ZZEF1: variants seen among roughly 807,000 people sequenced by gnomAD.
ZZEF1 encodes zinc finger ZZ-type and EF-hand domain-containing protein 1.
Under a neutral mutation model 342.8 loss-of-function variants are expected in ZZEF1, and 157 were observed. That is an observed-to-expected ratio of 0.46 (90% confidence interval 0.40 to 0.52). The LOEUF (loss-of-function observed/expected upper bound fraction) is 0.52, where lower values mean the gene tolerates loss of function less well. ZZEF1 is among the 20% of genes least tolerant of loss of function. The pLI, the probability that ZZEF1 is intolerant of heterozygous loss-of-function variation, is 0.00. For missense variants in ZZEF1, 3,480 were observed against 3,725.6 expected (o/e 0.93, Z 1.72); for synonymous variants, 1,505 against 1,429.1 (o/e 1.05, Z -1.20).
Position 4,034,258 on chromosome 17 carries a change from A to C in ZZEF1, c.6341T>G (p.Val2114Gly). ...PTVPLIDLEH[V>G]LPLMFQVVIS... Reference sequence around the variant, plus strand: ...GACAACCTGAAACATGAGTGGAAGGACGTGCTCCAGGTCTATCAGGGGAAC... The same window carrying C: ...GACAACCTGAAACATGAGTGGAAGGCCGTGCTCCAGGTCTATCAGGGGAAC... Residue 2114 changes from valine (V) to glycine (G), a missense_variant, in exon 40 of 55, where the codon GTC (valine) becomes GGC (glycine). Transcript: ENST00000381638. 2.5e-6 allele frequency: 4 copies of C among 1,614,208 alleles called. No homozygotes were observed. Among genetic ancestry groups the C allele is most frequent in the Non-Finnish European group, 3.4e-6 (4 of 1,180,020 alleles).
At chr17:4,125,391 C>A (rs900375050) in intron 1 of ZZEF1, among the ~76,000 whole-genome samples, 4 of 152,274 alleles carry the variant, frequency 2.6e-5, no homozygotes, top group African/African-American at 9.6e-5. Flanking sequence ...AACATAAATA[C>A]CCCTATTTCC....
chr17:4,025,789 A>T (rs2056390139), intron 42 of ZZEF1, among the ~76,000 whole-genome samples: 1 of 152,216 alleles, frequency 6.6e-6, no homozygotes, highest in Admixed American at 6.5e-5. Context: ...ACACTGAAAA[A>T]ACATGAAACA....
chr17:4,067,088 C>T (rs1207410611), intron 27 of ZZEF1, 75 bp downstream of exon 27: 1 of 1,245,290 alleles, frequency 8.0e-7, no homozygotes, highest in Non-Finnish European at 1.1e-6. Flanking sequence ...GAGAAGAGAA[C>T]AATTCATCTT....
In ZZEF1 at chr17:4,034,287, G is replaced by C. The variant is rs201455129; in HGVS notation, c.6312C>G (p.Pro2104=). 337 of 1,614,000 alleles carry C rather than the reference G, an allele frequency of 2.1e-4. No homozygotes were observed. Among genetic ancestry groups the C allele is most frequent in the Non-Finnish European group, 2.7e-4 (322 of 1,179,888 alleles). ...AAMLPPLKSG[P]TVPLIDLEHV... ...GCTCCAGGTCTATCAGGGGAACCGT[G>C]GGGCCCTGCCAAGAGAGGGAGAGAA... The change falls in exon 40 of 55, where the codon CCC becomes CCG. Residue 2104 remains proline, a synonymous_variant. Transcript: ENST00000381638.
At chr17:4,104,577 T>C in intron 8 of ZZEF1, 56 bp downstream of exon 8, 1 of 1,587,606 alleles carries the variant, frequency 6.3e-7, no homozygotes, top group South Asian at 1.1e-5. Context: ...GAAGAATGGT[T>C]TTACGATTTG....
At chr17:4,104,380 G>C (rs1244720612) in intron 8 of ZZEF1, among the ~76,000 whole-genome samples, 2 of 152,126 alleles carry the variant, frequency 1.3e-5, no homozygotes, top group African/African-American at 4.8e-5. Context: ...CAGATCATGG[G>C]AGTATAGCCT....
Position 4,075,315 on chromosome 17 carries a change from C to A in ZZEF1, c.3349G>T (p.Gly1117Trp), listed in dbSNP as rs1057500803. The change falls in exon 22 of 55, where the codon GGG becomes TGG. Residue 1117 changes from glycine to tryptophan, a missense_variant. By Grantham distance (184) the Gly-to-Trp change is radical. Coordinates refer to ENST00000381638, the MANE Select transcript of ZZEF1 (RefSeq NM_015113.4). ...CHEVSVFVSPGATYFEVEFDD... is the reference protein window; with the variant it reads ...CHEVSVFVSPWATYFEVEFDD... ...AATTCCACTTCAAAATAGGTTGCCCCTGGGCTAACAAAGACGGATACCTCA... is the reference window on the plus strand; with the variant it reads ...AATTCCACTTCAAAATAGGTTGCCCATGGGCTAACAAAGACGGATACCTCA... 1 of 1,614,216 alleles carries A rather than the reference C, an allele frequency of 6.2e-7. No homozygotes were observed. Among genetic ancestry groups the A allele is most frequent in the East Asian group, 2.2e-5 (1 of 44,888 alleles).
intron 39 of ZZEF1, among the ~76,000 whole-genome samples, chr17:4,042,086 A>G (rs902075704): frequency 6.6e-6 from 1 of 152,176 alleles, no homozygotes; most frequent in African/African-American, 2.4e-5. Flanking sequence ...AAAGTTCAGG[A>G]AAAAAATATA....
chr17:4,133,493 T>C (rs2058701503), intron 1 of ZZEF1, among the ~76,000 whole-genome samples: 1 of 152,140 alleles, frequency 6.6e-6, no homozygotes, highest in Admixed American at 6.6e-5. Flanking sequence ...CTTTCCTCCA[T>C]CTATAAAAGC....
intron 37 of ZZEF1, among the ~76,000 whole-genome samples, chr17:4,045,773 C>A (rs1199797417): frequency 1.3e-5 from 2 of 152,100 alleles, no homozygotes; most frequent in East Asian, 1.9e-4. Context: ...ACCCTTTCTA[C>A]CAGGTTTTAG....
chr17:4,096,233 GC>G (rs1415670047), intron 10 of ZZEF1, among the ~76,000 whole-genome samples: 1 of 151,830 alleles, frequency 6.6e-6, no homozygotes, highest in Admixed American at 6.6e-5. Context: ...TCTGCTACAG[GC>G]CTGACACAGA....
At chr17:4,019,238 T>G (rs914817963) in intron 46 of ZZEF1, among the ~76,000 whole-genome samples, 1 of 152,260 alleles carries the variant, frequency 6.6e-6, no homozygotes, top group East Asian at 1.9e-4. Flanking sequence ...ATTGCAGATA[T>G]GTAAAGTTCT....
rs544986535 is a variant in ZZEF1 at position 4,077,739 on chromosome 17, T to C, written c.2989+144A>G. On this transcript the variant is annotated intron_variant, in intron 19 of 54. Transcript: ENST00000381638. ...AAAGACATGCTGTTGAATTCTATTT[T>C]AATTAGACCAAACCAGTCCAAGAAT... 9.4e-4 allele frequency: 815 copies of C among 865,122 alleles called. 2 individuals carry two copies. Among genetic ancestry groups the C allele is most frequent in the Non-Finnish European group, 1.2e-3 (718 of 576,640 alleles). 53.6% of individuals were successfully genotyped at this position (865,122 alleles called of 1,614,324 possible).
chr17:4,034,645 G>A (rs2056621826), intron 39 of ZZEF1, among the ~76,000 whole-genome samples: 1 of 152,130 alleles, frequency 6.6e-6, no homozygotes, highest in African/African-American at 2.4e-5. Context: ...GATAACAACT[G>A]TTAAGTGTGA....
chr17:4,137,903 A>G (rs1416707403), intron 1 of ZZEF1, among the ~76,000 whole-genome samples: 1 of 152,256 alleles, frequency 6.6e-6, no homozygotes, highest in Non-Finnish European at 1.5e-5. Context: ...TGACAGTGCC[A>G]AGGTGGGGAA....
chr17:4,088,690 G>A lies in ZZEF1; in HGVS notation c.2229C>T (p.Leu743=), dbSNP rs758437630. The change falls in exon 13 of 55, where the codon CTC becomes CTT. Residue 743 remains leucine, a synonymous_variant. Transcript: ENST00000381638. ...GAGGAAGCCCTACCAGGTCATGGGC[G>A]AGCTGCTGGATAAACTGAAGGGTCC... ...LLRTLQFIQQ[L]AHDLVQQKES... 101 of 1,613,674 alleles carry A rather than the reference G, an allele frequency of 6.3e-5. 1 individual carries two copies. Among genetic ancestry groups the A allele is most frequent in the Non-Finnish European group, 3.6e-5 (42 of 1,180,014 alleles).
At chr17:4,118,680 G>A (rs117428845) in intron 2 of ZZEF1, among the ~76,000 whole-genome samples, 1 of 152,210 alleles carries the variant, frequency 6.6e-6, no homozygotes, top group Non-Finnish European at 1.5e-5. Flanking sequence ...CAAAATCCAA[G>A]TTGGTCCACT....
rs745594637 is a variant in ZZEF1, at chr17:4,051,956, T to G, written c.5600+15A>C. On this transcript the variant is annotated intron_variant, in intron 35 of 54. Transcript: ENST00000381638. ...TAAATAAAAGGCTTGGTGGCGACGG[T>G]CACTTGAGACATACCCGTAGGAGTA... 2 of 1,603,084 alleles carry G rather than the reference T, an allele frequency of 1.2e-6. No individual in the cohort carries two copies. The highest frequency in any genetic ancestry group is 2.2e-5 in the South Asian group (2 of 90,144).
chr17:4,116,246 G>A (rs2058391967), intron 3 of ZZEF1, among the ~76,000 whole-genome samples: 1 of 152,224 alleles, frequency 6.6e-6, no homozygotes, highest in Non-Finnish European at 1.5e-5. Context: ...TCGAACCCAG[G>A]AGGTGGAGGC....
Sources: gnomAD v4.1 joint callset for allele counts (sites outside exome capture counted in the v4.1 genomes callset) on GRCh38, gnomAD v4.1.1 for gene constraint, MANE v1.5 for transcripts, NCBI Gene and HGNC (gene_info 2026-07-23, HGNC 2026-07-21) for gene names.